The following STXBP6 variants were observed in gnomAD, a reference collection of about 807,000 sequenced individuals.
STXBP6 encodes the protein syntaxin-binding protein 6.
In STXBP6, 21 loss-of-function variants were observed where a neutral mutation model predicts 26.9. The observed-to-expected ratio is 0.78, with a 90% CI of 0.55 to 1.12. The LOEUF is 1.12. STXBP6 is among the 50% of genes most tolerant of loss of function. The pLI is 0.00. For missense variants in STXBP6, 232 were observed against 257.9 expected, an observed-to-expected ratio of 0.90 and a Z score of 0.69; for synonymous variants, 97 against 92.6, an observed-to-expected ratio of 1.05 and a Z score of -0.27.
intron 1 of STXBP6, among the ~76,000 whole-genome samples, chr14:25,036,330 A>G (rs540207989): frequency 3.3e-5 from 5 of 152,034 alleles, no homozygotes; most frequent in Non-Finnish European, 5.9e-5. Context: ...GGTGGGGTCC[A>G]TGATCCCAAA....
chr14:24,824,009 C>T (rs2068213462), intron 4 of STXBP6, among the ~76,000 whole-genome samples: 1 of 152,120 alleles, frequency 6.6e-6, no homozygotes, highest in South Asian at 2.1e-4. Flanking sequence ...CTTAGCAAAG[C>T]TATTTTCATG....
chr14:24,992,605 A>G (rs2074501315), intron 1 of STXBP6, among the ~76,000 whole-genome samples: 1 of 152,202 alleles, frequency 6.6e-6, no homozygotes, highest in East Asian at 1.9e-4. Flanking sequence ...ACATAAATGA[A>G]TGGACGTCAC....
intron 4 of STXBP6, among the ~76,000 whole-genome samples, chr14:24,855,644 A>T (rs2069301970): frequency 6.6e-6 from 1 of 152,150 alleles, no homozygotes; most frequent in Admixed American, 6.6e-5. Context: ...AGGTTTTTCT[A>T]ATAAGGGAGC....
At chr14:24,952,675 A>C (rs1423745289) in intron 2 of STXBP6, among the ~76,000 whole-genome samples, 1 of 152,226 alleles carries the variant, frequency 6.6e-6, no homozygotes, top group Non-Finnish European at 1.5e-5. Flanking sequence ...GTATTGTTAT[A>C]CAAGGAAAAA....
chr14:25,035,861 G>A (rs2075540720), intron 1 of STXBP6, among the ~76,000 whole-genome samples: 1 of 152,154 alleles, frequency 6.6e-6, no homozygotes, highest in Admixed American at 6.5e-5. Context: ...AATGAAGAAA[G>A]CATTCTTCTA....
intron 4 of STXBP6, among the ~76,000 whole-genome samples, chr14:24,851,915 A>G (rs143815930): frequency 1.2e-4 from 18 of 152,282 alleles, no homozygotes; most frequent in Non-Finnish European, 2.2e-4. Flanking sequence ...AGCTGTGAAA[A>G]TAAATACAAT....
chr14:24,950,082 A>G (rs1167617185), intron 2 of STXBP6, among the ~76,000 whole-genome samples: 1 of 152,142 alleles, frequency 6.6e-6, no homozygotes, highest in African/African-American at 2.4e-5. Flanking sequence ...AGTCTATCTA[A>G]AATCTTTCTT....
chr14:24,878,663 C>T, intron 2 of STXBP6: 4 of 219,736 alleles, frequency 1.8e-5, no homozygotes, highest in South Asian at 5.9e-5. Flanking sequence ...TTTTTCAGTC[C>T]ACCACTACAA....
At chr14:24,913,695 A>T (rs1196733128) in intron 2 of STXBP6, among the ~76,000 whole-genome samples, 1 of 152,214 alleles carries the variant, frequency 6.6e-6, no homozygotes, top group Non-Finnish European at 1.5e-5. Context: ...TATAGTATAT[A>T]ATTTCCATGT....
At chr14:25,040,719 G>A (rs1169943497) in intron 1 of STXBP6, among the ~76,000 whole-genome samples, 87 of 152,196 alleles carry the variant, frequency 5.7e-4, no homozygotes, top group Non-Finnish European at 1.2e-4. Context: ...ATTCTCTACT[G>A]TATGACAGAC....
At chr14:24,958,444 C>T (rs182610838) in intron 2 of STXBP6, among the ~76,000 whole-genome samples, 41 of 152,186 alleles carry the variant, frequency 2.7e-4, no homozygotes, top group Non-Finnish European at 5.0e-4. Flanking sequence ...TCCTTTCTTC[C>T]ACTGACCTCA....
At chr14:24,837,810 C>T (rs1241810446) in intron 4 of STXBP6, among the ~76,000 whole-genome samples, 1 of 152,152 alleles carries the variant, frequency 6.6e-6, no homozygotes, top group Non-Finnish European at 1.5e-5. Flanking sequence ...TCAGACTTTC[C>T]CATCCTAAGA....
chr14:24,974,617 T>C (rs1420886502), intron 2 of STXBP6, 48 bp downstream of exon 2: 1 of 1,487,182 alleles, frequency 6.7e-7, no homozygotes, highest in African/African-American at 1.4e-5. Context: ...AATGAACTGT[T>C]TTAAAATGGA....
chr14:24,907,751 A>T (rs1343909923), intron 2 of STXBP6, among the ~76,000 whole-genome samples: 3 of 152,160 alleles, frequency 2.0e-5, no homozygotes, highest in African/African-American at 7.2e-5. Context: ...TCCATGAAAG[A>T]GACACTGATA....
At chr14:25,001,404 C>T (rs549073564) in intron 1 of STXBP6, among the ~76,000 whole-genome samples, 1 of 152,152 alleles carries the variant, frequency 6.6e-6, no homozygotes, top group African/African-American at 2.4e-5. Flanking sequence ...AAATCACTTT[C>T]AACCATACCA....
chr14:25,012,385 T>C (rs1223553566), intron 1 of STXBP6, among the ~76,000 whole-genome samples: 5 of 152,088 alleles, frequency 3.3e-5, no homozygotes, highest in Admixed American at 2.0e-4. Context: ...TCCCAGCACT[T>C]TGGGAGGCCG....
intron 2 of STXBP6, among the ~76,000 whole-genome samples, chr14:24,963,756 C>A (rs1288749125): frequency 6.6e-6 from 1 of 152,100 alleles, no homozygotes; most frequent in Non-Finnish European, 1.5e-5. Context: ...TTTAAGATAA[C>A]CGCTTTCCAC....
chr14:24,881,120 G>GT (rs753705834), intron 2 of STXBP6, among the ~76,000 whole-genome samples: 2,651 of 144,652 alleles, frequency 0.018, 25 homozygotes, highest in African/African-American at 0.024. Flanking sequence ...ATCTGCTTCT[G>GT]TTTTTTTTTT....
chr14:24,888,469 A>C (rs1430762951), intron 2 of STXBP6, among the ~76,000 whole-genome samples: 3 of 152,146 alleles, frequency 2.0e-5, no homozygotes, highest in African/African-American at 7.2e-5. Context: ...CACCTCTGTA[A>C]TCCCACCATT....
Sources: gnomAD v4.1 joint callset for allele counts (sites outside exome capture counted in the v4.1 genomes callset) on GRCh38, gnomAD v4.1.1 for gene constraint, MANE v1.5 for transcripts, NCBI Gene and HGNC (gene_info 2026-07-23, HGNC 2026-07-21) for gene names.